The following ANK3 variants were observed in gnomAD, a reference collection of about 807,000 sequenced individuals.
The protein encoded by ANK3 is ankyrin 3.
Under a neutral mutation model 370.9 loss-of-function variants are expected in ANK3, and 57 were observed. That is an observed-to-expected ratio of 0.15 (90% CI 0.12 to 0.19). The LOEUF (loss-of-function observed/expected upper bound fraction) is 0.19, where lower values mean the gene tolerates loss of function less well. Ranked by LOEUF, ANK3 falls within the 10% of genes least tolerant of loss-of-function variation. ANK3 has a pLI of 1.00. For missense variants in ANK3, 4,439 were observed against 5,302.1 expected, an observed-to-expected ratio of 0.84 and a Z score of 5.06; for synonymous variants, 1,929 against 1,946.3, an observed-to-expected ratio of 0.99 and a Z score of 0.23.
chr10:60,599,395 T>G (rs1335129594), intron 2 of ANK3, among the ~76,000 whole-genome samples: 1 of 152,232 alleles, frequency 6.6e-6, no homozygotes, highest in South Asian at 2.1e-4. Flanking sequence ...GATACCGCGC[T>G]TCTTTTAAAG....
chr10:60,294,378 G>A (rs1403244152), intron 1 of ANK3, among the ~76,000 whole-genome samples: 1 of 152,120 alleles, frequency 6.6e-6, no homozygotes, highest in Non-Finnish European at 1.5e-5. Context: ...TGGCACCAGA[G>A]GGAGAGGAGG....
At chr10:60,172,847 T>G in intron 20 of ANK3, 53 bp downstream of exon 20, 3 of 1,180,890 alleles carry the variant, frequency 2.5e-6, no homozygotes, top group Non-Finnish European at 3.8e-6. Context: ...GACACCAGAG[T>G]CCAGGCCCAT....
rs763396509 is a variant in ANK3 at position 60,073,742 on chromosome 10, T to G, written c.7139A>C (p.His2380Pro). 62 of 1,613,870 alleles carry G rather than the reference T, an allele frequency of 3.8e-5. No homozygotes were observed. The highest frequency in any genetic ancestry group is 5.3e-5 in the Non-Finnish European group (62 of 1,180,024). Reference protein sequence around the residue: ...INLKDFLPEKHDAFPCSEEQG... With the variant: ...INLKDFLPEKPDAFPCSEEQG... ...TTCCTCTGAACAAGGAAAAGCATCGTGTTTTTCTGGCAGAAAATCTTTTAG... is the reference window on the plus strand; with the variant it reads ...TTCCTCTGAACAAGGAAAAGCATCGGGTTTTTCTGGCAGAAAATCTTTTAG... The change falls in exon 37 of 44, where the codon CAC becomes CCC. Residue 2380 changes from histidine to proline, a missense_variant. Around this residue, in one of 13 missense-constraint regions of ANK3, gnomAD observed 1,601 missense variants for 1,731.7 expected, o/e 0.92. Transcript: ENST00000280772.
intron 1 of ANK3, among the ~76,000 whole-genome samples, chr10:60,641,977 G>A (rs1588959925): frequency 6.9e-6 from 1 of 143,890 alleles, no homozygotes; most frequent in Non-Finnish European, 1.5e-5. Context: ...CGAAGGACAT[G>A]AACAGACACT....
intron 30 of ANK3, among the ~76,000 whole-genome samples, chr10:60,085,708 T>A (rs1305588691): frequency 2.0e-5 from 3 of 148,964 alleles, no homozygotes; most frequent in Non-Finnish European, 3.0e-5. Flanking sequence ...CTCCGCCTCC[T>A]GGGTTCAAGC....
At chr10:60,682,576 T>A (rs1485267146) in intron 1 of ANK3, among the ~76,000 whole-genome samples, 1 of 152,140 alleles carries the variant, frequency 6.6e-6, no homozygotes, top group Non-Finnish European at 1.5e-5. Context: ...AAGGAAGGAC[T>A]CCACTCTTCT....
chr10:60,467,689 T>C (rs1240703220), intron 2 of ANK3, among the ~76,000 whole-genome samples: 1 of 152,146 alleles, frequency 6.6e-6, no homozygotes, highest in Non-Finnish European at 1.5e-5. Context: ...ATATTATTCT[T>C]TTCGAACTAA....
intron 1 of ANK3, among the ~76,000 whole-genome samples, chr10:60,330,017 C>A (rs1472927648): frequency 6.6e-6 from 1 of 152,088 alleles, no homozygotes. Context: ...ACAAAACTGA[C>A]AAAAACAAGC....
At chr10:60,373,305 A>C (rs1467136810) in intron 1 of ANK3, among the ~76,000 whole-genome samples, 1 of 152,160 alleles carries the variant, frequency 6.6e-6, no homozygotes, top group Non-Finnish European at 1.5e-5. Context: ...CCCTTGGCTA[A>C]GGCAGTATAG....
Position 60,072,886 on chromosome 10 carries a change from C to T in ANK3, c.7995G>A (p.Lys2665=), listed in dbSNP as rs780218389. The change falls in exon 37 of 44, where the codon AAG becomes AAA. Residue 2665 remains lysine (K), a synonymous_variant. Coordinates refer to ENST00000280772, the MANE Select transcript of ANK3 (RefSeq NM_020987.5). ...DGQGFPKAEE[K]APSLPSSPEK... is the part of the protein sequence containing the mutation. ...CTGGGCTGCTGGGCAGACTGGGTGC[C>T]TTCTCCTCGGCCTTGGGGAAGCCTT... 1.2e-6 allele frequency: 2 copies of T among 1,614,068 alleles called. No homozygotes were observed. The highest frequency in any genetic ancestry group is 4.5e-5 in the East Asian group (2 of 44,866).
intron 1 of ANK3, among the ~76,000 whole-genome samples, chr10:60,648,767 TAA>T (rs796546062): frequency 1.7e-4 from 19 of 112,226 alleles, no homozygotes; most frequent in South Asian, 3.6e-4. Flanking sequence ...AAGACTGTCT[TAA>T]AAAAAAAAAA....
chr10:60,231,781 T>C (rs2097250531), intron 8 of ANK3, among the ~76,000 whole-genome samples: 1 of 152,192 alleles, frequency 6.6e-6, no homozygotes, highest in Non-Finnish European at 1.5e-5. Context: ...ACTGACACCC[T>C]TCCCCCAACC....
At chr10:60,350,013 T>C (rs955152645) in intron 1 of ANK3, among the ~76,000 whole-genome samples, 2 of 152,232 alleles carry the variant, frequency 1.3e-5, no homozygotes, top group Non-Finnish European at 2.9e-5. Flanking sequence ...CCATTTCCTA[T>C]ATATTTCAAG....
At chr10:60,543,449 A>T (rs1196088226) in intron 2 of ANK3, among the ~76,000 whole-genome samples, 2 of 151,968 alleles carry the variant, frequency 1.3e-5, no homozygotes, top group Admixed American at 6.6e-5. Flanking sequence ...TAAAGTAAGC[A>T]CTCTCATATA....
At chr10:60,108,013 G>A (rs1193921666) in intron 27 of ANK3, among the ~76,000 whole-genome samples, 1 of 151,814 alleles carries the variant, frequency 6.6e-6, no homozygotes, top group Non-Finnish European at 1.5e-5. Flanking sequence ...ATTAAGTCAA[G>A]CCACTATGAT....
chr10:60,574,810 C>T (rs1384140645), intron 2 of ANK3, among the ~76,000 whole-genome samples: 2 of 152,126 alleles, frequency 1.3e-5, no homozygotes. Context: ...TCTTGACATT[C>T]TTTACTAGGT....
At chr10:60,398,015 G>A (rs1442276480) in intron 2 of ANK3, among the ~76,000 whole-genome samples, 1 of 152,160 alleles carries the variant, frequency 6.6e-6, no homozygotes, top group Non-Finnish European at 1.5e-5. Context: ...ACATGAGTCA[G>A]CAAACATTTT....
chr10:60,391,004 C>T (rs532401060), upstream of ANK3, among the ~76,000 whole-genome samples: 1 of 152,228 alleles, frequency 6.6e-6, no homozygotes, highest in African/African-American at 2.4e-5. Flanking sequence ...CAAAGAGTGC[C>T]AAGTGTGAGT....
Position 60,610,188 on chromosome 10 carries a change from T to G in ANK3, c.96+4998A>C, listed in dbSNP as rs903136979. On this transcript the variant is annotated intron_variant, in intron 2 of 43. Transcript: ENST00000373827. ...AATATTTACGAAGCATGAAAAAATA[T>G]TCTATCCATTAGTAATCAAAGAAAG... Among the ~76,000 whole-genome samples, 4 of 152,134 alleles carry G rather than the reference T, an allele frequency of 2.6e-5. No individual in the cohort carries two copies. The South Asian group carries it at 8.3e-4, about 32-fold the overall frequency.
Sources: gnomAD v4.1 joint callset for allele counts (sites outside exome capture counted in the v4.1 genomes callset) on GRCh38, gnomAD v4.1.1 for gene constraint, gnomAD v4.1.1 regional missense constraint, MANE v1.5 for transcripts, NCBI Gene and HGNC (gene_info 2026-07-23, HGNC 2026-07-21) for gene names.